Variants in XKR4 observed in about 807,000 individuals in gnomAD.
XKR4 encodes XK related 4.
In XKR4, 12 loss-of-function variants were observed where a neutral mutation model predicts 53.9. The ratio of observed to expected loss-of-function variants is 0.22; its 90% CI spans 0.14 to 0.36. XKR4 has a LOEUF of 0.36. Ranked by LOEUF, XKR4 falls within the 10% of genes least tolerant of loss-of-function variation. XKR4 has a pLI of 1.00. For synonymous variants in XKR4, 354 were observed against 362.4 expected, an observed-to-expected ratio of 0.98 and a Z score of 0.26; for missense variants, 799 against 859.5, an observed-to-expected ratio of 0.93 and a Z score of 0.88.
rs1203513751 is a variant in XKR4, at chr8:55,533,090, G to A, written c.*8863G>A. On this transcript the variant is annotated 3_prime_UTR_variant, in exon 3 of 3. Coordinates refer to ENST00000327381, the MANE Select transcript of XKR4 (RefSeq NM_052898.2). ...GAAGTTCCAAAACACTACTAAATGT[G>A]TTGAAAATATAGTTTGAGTTTCTAT... is the stretch of plus-strand genomic sequence containing the variant. The A allele has an allele frequency of 2.0e-5, 3 of 152,144 alleles. No homozygotes were observed. The highest frequency in any genetic ancestry group is 4.4e-5 in the Non-Finnish European group (3 of 68,022). The allele number at this position is 152,144 out of a possible 1,614,324, so 9.4% of individuals were successfully genotyped here.
chr8:55,415,373 A>G lies in XKR4; in HGVS notation c.1006+57496A>G, dbSNP rs556714128. Among the ~76,000 whole-genome samples, 3 of 152,324 alleles carry G rather than the reference A, an allele frequency of 2.0e-5. No individual in the cohort carries two copies. The East Asian group carries it at 5.8e-4, about 29-fold the overall frequency. ...AAGAAAGAATATATTAATCCATCAGAAAAACCATGGCTGTAAAAAGTAATG... is the reference window on the plus strand; with the variant it reads ...AAGAAAGAATATATTAATCCATCAGGAAAACCATGGCTGTAAAAAGTAATG... On this transcript the variant is annotated intron_variant, in intron 2 of 2. Transcript: ENST00000327381.
chr8:55,512,169 T>C (rs1806636417), intron 2 of XKR4, among the ~76,000 whole-genome samples: 1 of 152,060 alleles, frequency 6.6e-6, no homozygotes, highest in Admixed American at 6.6e-5. Flanking sequence ...TCCACAGAAA[T>C]TGCTTCCCCA....
intron 1 of XKR4, among the ~76,000 whole-genome samples, chr8:55,348,691 T>TAAACAC (rs1554519701): frequency 0.011 from 1,433 of 136,204 alleles, 13 homozygotes; most frequent in Middle Eastern, 0.058. Flanking sequence ...CAGACAAACA[T>TAAACAC]ACACACACAC....
intron 2 of XKR4, among the ~76,000 whole-genome samples, chr8:55,367,624 C>T (rs1251471969): frequency 6.6e-6 from 1 of 152,154 alleles, no homozygotes; most frequent in Non-Finnish European, 1.5e-5. Context: ...GCTCCAAATC[C>T]ACTCCAAAAC....
At chr8:55,115,273 A>G (rs1816290342) in intron 1 of XKR4, among the ~76,000 whole-genome samples, 1 of 152,182 alleles carries the variant, frequency 6.6e-6, no homozygotes, top group Non-Finnish European at 1.5e-5. Context: ...TGGTTGCTCC[A>G]GATATTTGTA....
At chr8:55,111,515 G>A (rs925941151) in intron 1 of XKR4, among the ~76,000 whole-genome samples, 2 of 152,164 alleles carry the variant, frequency 1.3e-5, no homozygotes, top group African/African-American at 4.8e-5. Flanking sequence ...CCAGGAACTG[G>A]CATGGTTCAT....
rs75661328 is a variant in XKR4, at chr8:55,104,444, G to T, written c.806+1150G>T. 9.0e-3 allele frequency among the ~76,000 whole-genome samples: 1,370 copies of T among 152,250 alleles called. 12 individuals carry two copies. The highest frequency in any genetic ancestry group is 0.025 in the East Asian group (130 of 5,172). On this transcript the variant is annotated intron_variant, in intron 1 of 2. Coordinates refer to ENST00000327381, the MANE Select transcript of XKR4 (RefSeq NM_052898.2). ...CTGGTGCTCTTTTTCAATTTTATTT[G>T]TGGCTATTTTTGTGATAAAAGATGT...
At chr8:55,253,584 A>G (rs1281449293) in intron 1 of XKR4, among the ~76,000 whole-genome samples, 1 of 152,226 alleles carries the variant, frequency 6.6e-6, no homozygotes, top group African/African-American at 2.4e-5. Flanking sequence ...TCTTACCTTA[A>G]GGATTTATGA....
At chr8:55,477,296 G>A (rs113198733) in intron 2 of XKR4, among the ~76,000 whole-genome samples, 1 of 152,044 alleles carries the variant, frequency 6.6e-6, no homozygotes, top group Non-Finnish European at 1.5e-5. Flanking sequence ...AGGCAAACAG[G>A]GTCTGGAGTG....
chr8:55,450,828 G>A (rs1805428065), intron 2 of XKR4: 1 of 492,342 alleles, frequency 2.0e-6, no homozygotes, highest in Non-Finnish European at 3.9e-6. Flanking sequence ...TGTCCCAGCC[G>A]TCCTCCAGGC....
At chr8:55,379,031 T>G (rs1585547025) in intron 2 of XKR4, among the ~76,000 whole-genome samples, 1 of 152,350 alleles carries the variant, frequency 6.6e-6, no homozygotes, top group Middle Eastern at 3.4e-3. Context: ...AGTTACTCTC[T>G]TATTCCAGGT....
intron 1 of XKR4, among the ~76,000 whole-genome samples, chr8:55,304,249 G>A (rs1484844202): frequency 5.9e-5 from 9 of 152,096 alleles, no homozygotes; most frequent in African/African-American, 9.7e-5. Flanking sequence ...CCTTCATTTC[G>A]TTATGTACCC....
At position 55,150,634 on chromosome 8, in the gene XKR4, A is replaced by G. The variant is rs375519079; in HGVS notation, c.806+47340A>G. ...TTTTCTGCTCAGCAAACTCCTCCTC[A>G]CCCTGGAAAATCCAGTTCAGATGTT... On this transcript the variant is annotated intron_variant, in intron 1 of 2. Transcript: ENST00000327381. Among the ~76,000 whole-genome samples, 6 of 151,968 alleles carry G rather than the reference A, an allele frequency of 3.9e-5. No individual in the cohort carries two copies. In the South Asian group the frequency reaches 1.2e-3, roughly 32 times the overall value.
intron 2 of XKR4, among the ~76,000 whole-genome samples, chr8:55,518,602 T>C (rs1215355808): frequency 6.6e-6 from 1 of 152,206 alleles, no homozygotes; most frequent in East Asian, 1.9e-4. Context: ...AAAGCAAATG[T>C]TGTCACCTAC....
At chr8:55,489,853 C>T (rs539834667) in intron 2 of XKR4, among the ~76,000 whole-genome samples, 1 of 152,076 alleles carries the variant, frequency 6.6e-6, no homozygotes, top group Non-Finnish European at 1.5e-5. Context: ...TTTAACTTAC[C>T]ACCACCATCT....
At chr8:55,182,651 C>T (rs1817325559) in intron 1 of XKR4, among the ~76,000 whole-genome samples, 1 of 152,098 alleles carries the variant, frequency 6.6e-6, no homozygotes, top group Admixed American at 6.5e-5. Context: ...TTTTACAGCT[C>T]TATGTGTCTA....
chr8:55,173,091 G>A (rs1817184613), intron 1 of XKR4, among the ~76,000 whole-genome samples: 3 of 152,286 alleles, frequency 2.0e-5, no homozygotes, highest in South Asian at 4.1e-4. Context: ...TTGTCCTGGA[G>A]CATAGAATTA....
chr8:55,436,224 G>A (rs1043865356), intron 2 of XKR4, among the ~76,000 whole-genome samples: 2 of 152,076 alleles, frequency 1.3e-5, no homozygotes, highest in Non-Finnish European at 2.9e-5. Flanking sequence ...TCCCACAAAT[G>A]CCTAGGTGCT....
At chr8:55,507,256 C>A (rs1018232320) in intron 2 of XKR4, among the ~76,000 whole-genome samples, 2 of 152,160 alleles carry the variant, frequency 1.3e-5, no homozygotes, top group African/African-American at 4.8e-5. Context: ...TTAGACTTGG[C>A]TTCTTTAATA....
Sources: allele counts gnomAD v4.1 joint callset (sites outside exome capture counted in the v4.1 genomes callset), GRCh38; gene constraint gnomAD v4.1.1; transcripts MANE v1.5; gene names NCBI Gene and HGNC (gene_info 2026-07-23, HGNC 2026-07-21).